The following CPXM2 variants were observed in gnomAD, a reference collection of about 807,000 sequenced individuals.
CPXM2 encodes the protein inactive carboxypeptidase-like protein X2.
In CPXM2, 66 loss-of-function variants were observed where a neutral mutation model predicts 86.1. The observed-to-expected ratio is 0.77, with a 90% CI of 0.63 to 0.94. CPXM2 has a LOEUF of 0.94. Ranked by LOEUF, CPXM2 falls within the 40% of genes least tolerant of loss-of-function variation. The pLI is 0.00. For synonymous variants in CPXM2, 388 were observed against 400.2 expected (o/e 0.97, Z 0.36); for missense variants, 948 against 1,026.3 (o/e 0.92, Z 1.04).
intron 2 of CPXM2, among the ~76,000 whole-genome samples, chr10:123,904,002 G>A (rs1202285600): frequency 2.0e-5 from 3 of 152,142 alleles, no homozygotes; most frequent in South Asian, 2.1e-4. Context: ...CCAATGCAAC[G>A]CTCAGCTCCC....
At chr10:123,752,705 AC>A in intron 13 of CPXM2, 1 of 784,362 alleles carries the variant, frequency 1.3e-6, no homozygotes, top group South Asian at 5.9e-5. Flanking sequence ...AGGAAGGAGC[AC>A]CAGATTTGAA....
intron 4 of CPXM2, among the ~76,000 whole-genome samples, chr10:123,805,330 A>G (rs1477448970): frequency 6.6e-6 from 1 of 151,980 alleles, no homozygotes; most frequent in Admixed American, 6.6e-5. Context: ...CTTTTCTAAT[A>G]TAGCATTTCA....
At chr10:123,815,774 C>G (rs1847801651) in intron 4 of CPXM2, among the ~76,000 whole-genome samples, 1 of 152,018 alleles carries the variant, frequency 6.6e-6, no homozygotes. Context: ...AGAGTGTGAC[C>G]CATGAGGAGG....
intron 4 of CPXM2, among the ~76,000 whole-genome samples, chr10:123,808,416 T>C (rs886611090): frequency 2.0e-5 from 3 of 151,850 alleles, no homozygotes; most frequent in Non-Finnish European, 4.4e-5. Flanking sequence ...AAAAAAAGAA[T>C]AGTGAGTAAT....
intron 4 of CPXM2, among the ~76,000 whole-genome samples, chr10:123,825,763 T>C (rs946593265): frequency 6.6e-6 from 1 of 152,210 alleles, no homozygotes; most frequent in Admixed American, 6.5e-5. Flanking sequence ...ATATTTTTAT[T>C]AAGATTATTG....
At chr10:123,875,799 TTTTCTTTC>T (rs201178259) in intron 2 of CPXM2, among the ~76,000 whole-genome samples, 5,969 of 119,348 alleles carry the variant, frequency 0.05, 175 homozygotes, top group Non-Finnish European at 0.091. Flanking sequence ...TGTTTCTTTC[TTTTCTTTC>T]TTTTTTTTTT....
upstream of CPXM2, among the ~76,000 whole-genome samples, chr10:123,892,446 G>T (rs1167098825): frequency 6.6e-6 from 1 of 152,172 alleles, no homozygotes; most frequent in Non-Finnish European, 1.5e-5. Context: ...GCAGGCTCTT[G>T]CCCAGAGGGT....
chr10:123,930,503 G>T (rs1033049287), intron 2 of CPXM2, among the ~76,000 whole-genome samples: 1 of 152,140 alleles, frequency 6.6e-6, no homozygotes, highest in Non-Finnish European at 1.5e-5. Context: ...ACCTTTGTGG[G>T]TTCCTGTAGC....
chr10:123,927,080 C>T (rs965075567), intron 2 of CPXM2, among the ~76,000 whole-genome samples: 25 of 152,272 alleles, frequency 1.6e-4, no homozygotes, highest in African/African-American at 5.8e-4. Flanking sequence ...ACCTTCTCAC[C>T]GCAGTCTCAC....
At chr10:123,800,423 T>C (rs538261479) in intron 4 of CPXM2, among the ~76,000 whole-genome samples, 1 of 152,314 alleles carries the variant, frequency 6.6e-6, no homozygotes, top group African/African-American at 2.4e-5. Flanking sequence ...TGCATTAGCA[T>C]TGCCTTAACA....
chr10:123,768,404 TAAATAA>T (rs1372062601), intron 9 of CPXM2, 116 bp downstream of exon 9: 1 of 470,734 alleles, frequency 2.1e-6, no homozygotes, highest in African/African-American at 2.0e-5. Flanking sequence ...AATAAATAAA[TAAATAA>T]ATAAATAAAT....
intron 4 of CPXM2, among the ~76,000 whole-genome samples, chr10:123,840,365 C>T (rs1848362027): frequency 6.6e-6 from 1 of 152,092 alleles, no homozygotes; most frequent in African/African-American, 2.4e-5. Flanking sequence ...ATGTGATACA[C>T]AAAATGGCAT....
chr10:123,924,883 T>C (rs1945610848), intron 2 of CPXM2, among the ~76,000 whole-genome samples: 1 of 151,242 alleles, frequency 6.6e-6, no homozygotes, highest in African/African-American at 2.5e-5. Context: ...TCAAAGACCC[T>C]GATTAGAACA....
chr10:123,862,244 AG>A (rs1314697606), intron 3 of CPXM2, among the ~76,000 whole-genome samples: 1 of 152,196 alleles, frequency 6.6e-6, no homozygotes, highest in Non-Finnish European at 1.5e-5. Flanking sequence ...CAGGGAGGCA[AG>A]GGAAGACAAA....
At chr10:123,898,054 A>G (rs61861937) in intron 2 of CPXM2, among the ~76,000 whole-genome samples, 2,545 of 152,318 alleles carry the variant, frequency 0.017, 29 homozygotes, top group South Asian at 0.026. Context: ...ATCAGACTCC[A>G]CGCCAGGGGT....
intron 6 of CPXM2, 32 bp from the exon 7 acceptor site, chr10:123,780,287 C>T: frequency 1.5e-6 from 2 of 1,329,930 alleles, no homozygotes; most frequent in Non-Finnish European, 2.2e-6. Flanking sequence ...TGCATTTACT[C>T]CCATCATTCT....
intron 13 of CPXM2, among the ~76,000 whole-genome samples, chr10:123,749,198 CTGGACGT>C (rs1339319615): frequency 6.6e-6 from 1 of 151,816 alleles, no homozygotes; most frequent in East Asian, 1.9e-4. Flanking sequence ...TTGTGGGGCG[CTGGACGT>C]TGGAGGCCCC....
chr10:123,931,700 T>C (rs562631658), intron 2 of CPXM2: 6 of 152,366 alleles, frequency 3.9e-5, no homozygotes, highest in African/African-American at 1.4e-4. Context: ...ATCTTCCCAC[T>C]ACACTCATTT....
chr10:123,895,121 C>CTTTTTTTTTTTT (rs869104432), upstream of CPXM2, among the ~76,000 whole-genome samples: 89 of 85,886 alleles, frequency 1.0e-3, no homozygotes, highest in Non-Finnish European at 1.3e-3. Flanking sequence ...TCTTTTTTTT[C>CTTTTTTTTTTTT]TTTTTTTTTT....
Sources: gnomAD v4.1 joint callset for allele counts (sites outside exome capture counted in the v4.1 genomes callset) on GRCh38, gnomAD v4.1.1 for gene constraint, MANE v1.5 for transcripts, NCBI Gene and HGNC (gene_info 2026-07-23, HGNC 2026-07-21) for gene names.